Variants in ZNF385D observed in about 807,000 individuals in gnomAD.
ZNF385D encodes the protein zinc finger protein 385D.
A neutral mutation model predicts 35.8 loss-of-function variants in ZNF385D; 15 were observed. That is an observed-to-expected ratio of 0.42 (90% CI 0.28 to 0.64). The LOEUF (loss-of-function observed/expected upper bound fraction) is 0.64. Ranked by LOEUF, ZNF385D falls within the 30% of genes least tolerant of loss-of-function variation. ZNF385D has a pLI of 0.23. For synonymous variants in ZNF385D, 212 were observed against 186.8 expected (o/e 1.13, Z -1.10); for missense variants, 474 against 494.6 (o/e 0.96, Z 0.39).
intron 4 of ZNF385D, among the ~76,000 whole-genome samples, chr3:21,457,124 A>G (rs1414112603): frequency 1.3e-5 from 2 of 152,190 alleles, no homozygotes; most frequent in South Asian, 2.1e-4. Context: ...TAGATTCCCA[A>G]TAAATATTTC....
intron 4 of ZNF385D, among the ~76,000 whole-genome samples, chr3:21,469,494 A>G (rs1703746890): frequency 6.6e-6 from 1 of 152,188 alleles, no homozygotes; most frequent in Non-Finnish European, 1.5e-5. Flanking sequence ...GAATATGAGA[A>G]GTTTAGGGAG....
chr3:21,929,426 G>C (rs936559578), intron 3 of ZNF385D, among the ~76,000 whole-genome samples: 1 of 151,996 alleles, frequency 6.6e-6, no homozygotes, highest in Non-Finnish European at 1.5e-5. Flanking sequence ...AGCTGATCTT[G>C]CCAATTTTTA....
At position 21,843,276 on chromosome 3, in the gene ZNF385D, C is replaced by T. The variant is rs145807356; in HGVS notation, c.326-178248G>A. On this transcript the variant is annotated intron_variant, in intron 3 of 5. Transcript: ENST00000494108. ...CAGGTAGAAGCACTCAGGGGATTAA[C>T]CGTAGCTCCTTTATCACTTTGCTCT... is the stretch of plus-strand genomic sequence containing the variant. Among the ~76,000 whole-genome samples, 371 of 152,048 alleles carry T rather than the reference C, an allele frequency of 2.4e-3. 4 individuals carry two copies. Among genetic ancestry groups the T allele is most frequent in the African/African-American group, 8.2e-3 (339 of 41,526 alleles).
intron 3 of ZNF385D, among the ~76,000 whole-genome samples, chr3:21,845,903 C>T (rs77740508): frequency 0.039 from 5,935 of 151,966 alleles, 396 homozygotes; most frequent in African/African-American, 0.13. Flanking sequence ...AAGAGGCTCC[C>T]AGAGCAAAAA....
intron 2 of ZNF385D, among the ~76,000 whole-genome samples, chr3:22,234,573 G>A (rs1699073591): frequency 6.6e-6 from 1 of 151,712 alleles, no homozygotes; most frequent in Non-Finnish European, 1.5e-5. Flanking sequence ...GTCTTGTGAT[G>A]ACTATCAATG....
At chr3:21,894,553 A>T (rs989673307) in intron 3 of ZNF385D, among the ~76,000 whole-genome samples, 6 of 152,274 alleles carry the variant, frequency 3.9e-5, no homozygotes, top group African/African-American at 1.4e-4. Context: ...CTATGACTTT[A>T]CAACAGCAAA....
intron 2 of ZNF385D, among the ~76,000 whole-genome samples, chr3:22,303,992 GGT>G (rs1305472216): frequency 6.6e-6 from 1 of 152,116 alleles, no homozygotes; most frequent in East Asian, 1.9e-4. Flanking sequence ...TGGCCAGGCT[GGT>G]CTCGAACTCC....
rs77310284 is a variant in ZNF385D, at chr3:22,357,934, T to A, written c.106+14516A>T. Among the ~76,000 whole-genome samples the A allele has an allele frequency of 7.9e-3, 1,208 of 151,982 alleles. 15 individuals are homozygous for A. The highest frequency in any genetic ancestry group is 0.027 in the African/African-American group (1,123 of 41,516). ...GAACAAGAAATATTAGGAAACAGAT[T>A]TAAACATTACAAGCATTCGATATGC... On this transcript the variant is annotated intron_variant, in intron 2 of 5. Coordinates refer to the ZNF385D transcript ENST00000494108.
chr3:22,293,847 C>T (rs2728962), intron 2 of ZNF385D, among the ~76,000 whole-genome samples: 81,251 of 151,348 alleles, frequency 0.54, 23,633 homozygotes, highest in African/African-American at 0.79. Context: ...TGATCTGTTC[C>T]TGCAATCCCT....
At chr3:21,543,524 T>C (rs2062258279) in intron 3 of ZNF385D, among the ~76,000 whole-genome samples, 1 of 152,100 alleles carries the variant, frequency 6.6e-6, no homozygotes, top group African/African-American at 2.4e-5. Flanking sequence ...GCACAGCCGG[T>C]TGGCTGGTTC....
intron 3 of ZNF385D, among the ~76,000 whole-genome samples, chr3:21,976,717 G>A (rs1014967273): frequency 2.0e-5 from 3 of 152,138 alleles, no homozygotes; most frequent in African/African-American, 7.2e-5. Context: ...AAACCAGCTG[G>A]GCAGGTGTCT....
intron 4 of ZNF385D, among the ~76,000 whole-genome samples, chr3:21,483,176 C>T (rs933747814): frequency 2.0e-5 from 3 of 152,124 alleles, no homozygotes; most frequent in Admixed American, 2.0e-4. Flanking sequence ...AACCCTAAAT[C>T]CTGGGAACTA....
At chr3:22,298,991 G>C (rs930699871) in intron 2 of ZNF385D, among the ~76,000 whole-genome samples, 2 of 151,886 alleles carry the variant, frequency 1.3e-5, no homozygotes, top group African/African-American at 4.8e-5. Flanking sequence ...ATACAGGCTG[G>C]ATTGAGGTCC....
At chr3:21,869,181 A>G (rs1333667696) in intron 3 of ZNF385D, among the ~76,000 whole-genome samples, 1 of 152,136 alleles carries the variant, frequency 6.6e-6, no homozygotes, top group Admixed American at 6.6e-5. Flanking sequence ...GAAAGAGATC[A>G]TTTTATCATT....
At chr3:22,033,403 A>AATAATAATG (rs1698125096) in intron 3 of ZNF385D, among the ~76,000 whole-genome samples, 1 of 2,102 alleles carries the variant, frequency 4.8e-4, no homozygotes, top group African/African-American at 2.2e-3. Flanking sequence ...CTGGCTCCAA[A>AATAATAATG]ATAATAATAA....
At chr3:22,068,464 C>T (rs1242814668) in intron 3 of ZNF385D, among the ~76,000 whole-genome samples, 1 of 152,028 alleles carries the variant, frequency 6.6e-6, no homozygotes, top group Non-Finnish European at 1.5e-5. Context: ...CTGTCTACTC[C>T]CCCACACCCC....
At chr3:22,241,162 A>G (rs1343706260) in intron 2 of ZNF385D, among the ~76,000 whole-genome samples, 2 of 151,218 alleles carry the variant, frequency 1.3e-5, no homozygotes, top group African/African-American at 4.9e-5. Flanking sequence ...TAACTAGCCC[A>G]ACTGTACTGA....
intron 3 of ZNF385D, among the ~76,000 whole-genome samples, chr3:22,162,423 A>C (rs1706021602): frequency 6.6e-6 from 1 of 151,604 alleles, no homozygotes; most frequent in Admixed American, 6.6e-5. Context: ...TGCCTTACCC[A>C]AAACTAAGAT....
At chr3:22,076,244 A>T (rs1383086) in intron 3 of ZNF385D, among the ~76,000 whole-genome samples, 12,220 of 151,860 alleles carry the variant, frequency 0.08, 623 homozygotes, top group Middle Eastern at 0.18. Flanking sequence ...CACAATAAAG[A>T]TACATTCTTT....
Sources: allele counts gnomAD v4.1 joint callset (sites outside exome capture counted in the v4.1 genomes callset), GRCh38; gene constraint gnomAD v4.1.1; transcripts MANE v1.5; gene names NCBI Gene and HGNC (gene_info 2026-07-23, HGNC 2026-07-21).